The following ZNF385D variants were observed in gnomAD, a reference collection of about 807,000 sequenced individuals.
ZNF385D encodes the protein zinc finger protein 659.
A neutral mutation model predicts 35.8 loss-of-function variants in ZNF385D; 15 were observed. The observed-to-expected ratio is 0.42, with a 90% CI of 0.28 to 0.64. The LOEUF is 0.64. ZNF385D is among the 30% of genes least tolerant of loss of function. The pLI is 0.23. For missense variants in ZNF385D, 474 were observed against 494.6 expected (o/e 0.96, Z 0.39); for synonymous variants, 212 against 186.8 (o/e 1.13, Z -1.10).
chr3:21,737,349 T>A (rs2069292881), intron 1 of ZNF385D, among the ~76,000 whole-genome samples: 1 of 152,146 alleles, frequency 6.6e-6, no homozygotes. Context: ...AATCATTAGA[T>A]ACCATGTAGC....
intron 2 of ZNF385D, among the ~76,000 whole-genome samples, chr3:22,280,273 T>C (rs1386220513): frequency 1.3e-5 from 2 of 152,102 alleles, no homozygotes; most frequent in Non-Finnish European, 2.9e-5. Context: ...AAGTTTTTCA[T>C]TTATTTAAAT....
chr3:21,819,692 G>C (rs142278532), intron 3 of ZNF385D, among the ~76,000 whole-genome samples: 1 of 140,336 alleles, frequency 7.1e-6, no homozygotes, highest in Non-Finnish European at 1.5e-5. Flanking sequence ...CTATGTGTAC[G>C]TGTGTATATA....
chr3:21,717,767 A>G (rs1482672979), intron 1 of ZNF385D, among the ~76,000 whole-genome samples: 1 of 152,196 alleles, frequency 6.6e-6, no homozygotes, highest in Non-Finnish European at 1.5e-5. Context: ...GCCACCCTGT[A>G]AAACGTGCCT....
chr3:21,780,774 A>G (rs1307059903), intron 3 of ZNF385D, among the ~76,000 whole-genome samples: 1 of 152,086 alleles, frequency 6.6e-6, no homozygotes, highest in African/African-American at 2.4e-5. Context: ...CACCTGAGGA[A>G]TACTTCTCCA....
At chr3:21,523,850 TGAG>T (rs1708062830) in intron 3 of ZNF385D, among the ~76,000 whole-genome samples, 1 of 151,982 alleles carries the variant, frequency 6.6e-6, no homozygotes, top group Non-Finnish European at 1.5e-5. Flanking sequence ...GGAGTCTAGA[TGAG>T]AAGAGGAGGG....
chr3:22,278,403 T>G (rs1701542976), intron 2 of ZNF385D, among the ~76,000 whole-genome samples: 1 of 152,130 alleles, frequency 6.6e-6, no homozygotes, highest in Non-Finnish European at 1.5e-5. Context: ...TGAAAGAGTT[T>G]GACCATTTTT....
At chr3:21,547,688 C>G (rs2062424743) in intron 3 of ZNF385D, among the ~76,000 whole-genome samples, 1 of 151,626 alleles carries the variant, frequency 6.6e-6, no homozygotes, top group African/African-American at 2.4e-5. Flanking sequence ...ATGATCTCAG[C>G]TCACTGCAAC....
intron 3 of ZNF385D, among the ~76,000 whole-genome samples, chr3:22,089,146 G>T (rs1423421117): frequency 6.6e-6 from 1 of 152,168 alleles, no homozygotes; most frequent in African/African-American, 2.4e-5. Context: ...TATTTACAAT[G>T]TTCAAAGAGA....
At chr3:21,424,318 T>TATATTTTTTATATATATATATATATATA (rs375587956) in intron 6 of ZNF385D, among the ~76,000 whole-genome samples, 1 of 41,842 alleles carries the variant, frequency 2.4e-5, no homozygotes, top group Non-Finnish European at 4.3e-5. Context: ...TATATATATA[T>TATATTTTTTATATATATATATATATATA]TTTTTTTTTT....
At chr3:21,490,923 G>A (rs1253418240) in intron 4 of ZNF385D, among the ~76,000 whole-genome samples, 1 of 120,884 alleles carries the variant, frequency 8.3e-6, no homozygotes, top group African/African-American at 3.2e-5. Context: ...GCTGGTCATC[G>A]GCTGAATTTG....
At chr3:22,218,455 A>C (rs1049487908) in intron 2 of ZNF385D, among the ~76,000 whole-genome samples, 1 of 151,908 alleles carries the variant, frequency 6.6e-6, no homozygotes, top group African/African-American at 2.4e-5. Flanking sequence ...ATATATAAAT[A>C]TATGTATATA....
intron 1 of ZNF385D, among the ~76,000 whole-genome samples, chr3:21,666,923 C>T (rs1469034118): frequency 6.6e-6 from 1 of 151,926 alleles, no homozygotes; most frequent in Non-Finnish European, 1.5e-5. Context: ...ACTAAAAATA[C>T]AAAAATTAGC....
At chr3:21,963,700 A>G (rs1009941069) in intron 3 of ZNF385D, among the ~76,000 whole-genome samples, 2 of 152,188 alleles carry the variant, frequency 1.3e-5, no homozygotes, top group African/African-American at 4.8e-5. Flanking sequence ...ACCTCTTTAT[A>G]TTAGATTGGT....
At chr3:22,194,193 AT>A (rs1275897358) in intron 2 of ZNF385D, among the ~76,000 whole-genome samples, 1 of 151,806 alleles carries the variant, frequency 6.6e-6, no homozygotes, top group African/African-American at 2.4e-5. Context: ...TTGTTGATAA[AT>A]TTTTTATTAA....
At chr3:21,993,272 A>G (rs1185203417) in intron 3 of ZNF385D, among the ~76,000 whole-genome samples, 1 of 152,188 alleles carries the variant, frequency 6.6e-6, no homozygotes, top group East Asian at 1.9e-4. Flanking sequence ...CTCCAAGCCC[A>G]AGTTTAATTG....
chr3:22,064,519 A>G (rs1040476969), intron 3 of ZNF385D, among the ~76,000 whole-genome samples: 1 of 152,236 alleles, frequency 6.6e-6, no homozygotes, highest in African/African-American at 2.4e-5. Flanking sequence ...CACAATAACT[A>G]AGATAGGAAA....
chr3:22,082,586 G>GGCCT (rs1368289142), intron 3 of ZNF385D, among the ~76,000 whole-genome samples: 1 of 152,186 alleles, frequency 6.6e-6, no homozygotes, highest in Admixed American at 6.5e-5. Flanking sequence ...AACTCAAGGA[G>GGCCT]GCCTGCCTGC....
chr3:21,799,888 G>GCACA (rs1453106568), intron 3 of ZNF385D, among the ~76,000 whole-genome samples: 1 of 152,116 alleles, frequency 6.6e-6, no homozygotes, highest in East Asian at 1.9e-4. Flanking sequence ...ACTTTAGAAT[G>GCACA]CACATAGAGG....
chr3:21,864,811 A>C (rs571169319), intron 3 of ZNF385D, among the ~76,000 whole-genome samples: 5 of 152,014 alleles, frequency 3.3e-5, no homozygotes, highest in Admixed American at 3.3e-4. Flanking sequence ...TCAAGCCTAA[A>C]AATGTCCTTA....
Sources: allele counts gnomAD v4.1 joint callset (sites outside exome capture counted in the v4.1 genomes callset), GRCh38; gene constraint gnomAD v4.1.1; transcripts MANE v1.5; gene names NCBI Gene and HGNC (gene_info 2026-07-23, HGNC 2026-07-21).